KCTD15: variants seen among roughly 807,000 people sequenced by gnomAD.
KCTD15 encodes the protein potassium channel tetramerization domain containing 15.
KCTD15 carries 11 observed loss-of-function variants against 27.2 expected under a neutral mutation model. That is an observed-to-expected ratio of 0.41 (90% CI 0.25 to 0.67). KCTD15 has a LOEUF of 0.67. KCTD15 is among the 30% of genes least tolerant of loss of function. The pLI, the probability that KCTD15 is intolerant of heterozygous loss-of-function variation, is 0.35. For synonymous variants in KCTD15, 163 were observed against 176.0 expected (o/e 0.93, Z 0.58); for missense variants, 350 against 409.3 (o/e 0.86, Z 1.25).
In KCTD15 at chr19:33,812,973, C is replaced by G; in HGVS notation, c.*25C>G. ...GGCCCTGCTTCAGTGCCCACCTGGG[C>G]CCCCCCAGGGACCTGGAAACAGTGC... On this transcript the variant is annotated 3_prime_UTR_variant, in exon 7 of 7. Coordinates refer to ENST00000683859, the MANE Select transcript of KCTD15 (RefSeq NM_001129994.2). The G allele has an allele frequency of 6.6e-7, 1 of 1,518,452 alleles. No individual in the cohort carries two copies. Among genetic ancestry groups the G allele is most frequent in the Non-Finnish European group, 8.8e-7 (1 of 1,131,470 alleles). 94.1% of individuals were successfully genotyped at this position (1,518,452 alleles called of 1,614,324 possible). A position where few individuals can be genotyped will look rare whatever the true frequency, so the allele number is the denominator to read the frequency against.
Position 33,812,907 on chromosome 19 carries a change from A to G in KCTD15, c.811A>G (p.Thr271Ala). ...CCGGGAGGAGCGGCGGCCGCAGCCC[A>G]CCCCCACTGCTGTTCGAATCAAGCA... is the stretch of plus-strand genomic sequence containing the variant. ...LCREERRPQPTPTAVRIKQEP... is the reference protein window; with the variant it reads ...LCREERRPQPAPTAVRIKQEP... The change falls in exon 7 of 7, where the codon ACC (threonine) becomes GCC (alanine). Residue 271 changes from threonine (T) to alanine (A), a missense_variant. Around this residue, in one of 3 missense-constraint regions of KCTD15, gnomAD observed 219 missense variants for 234.9 expected, o/e 0.93. Coordinates refer to ENST00000683859, the MANE Select transcript of KCTD15 (RefSeq NM_001129994.2). 1 of 1,548,658 alleles carries G rather than the reference A, an allele frequency of 6.5e-7. No homozygotes were observed. The highest frequency in any genetic ancestry group is 8.7e-7 in the Non-Finnish European group (1 of 1,146,334).
intron 4 of KCTD15, 77 bp downstream of exon 4, chr19:33,801,419 GTCTCTCCCC>G: frequency 7.7e-7 from 1 of 1,298,276 alleles, no homozygotes; most frequent in Non-Finnish European, 1.0e-6. Context: ...AGGGGGTGGG[GTCTCTCCCC>G]ACTGTCACTC....
intron 6 of KCTD15, 191 bp downstream of exon 6, chr19:33,811,743 A>G (rs772856422): frequency 2.5e-6 from 4 of 1,580,212 alleles, no homozygotes; most frequent in South Asian, 2.3e-5. Context: ...CGCCTGGGGG[A>G]TGGACTTAAA....
intron 4 of KCTD15, among the ~76,000 whole-genome samples, chr19:33,802,565 C>T (rs1975592002): frequency 1.3e-5 from 2 of 152,106 alleles, no homozygotes; most frequent in Non-Finnish European, 2.9e-5. Flanking sequence ...ACTGGTGTTC[C>T]AGTACCCCAG....
At chr19:33,812,170 C>T in intron 6 of KCTD15, 1 of 1,164,602 alleles carries the variant, frequency 8.6e-7, no homozygotes, top group South Asian at 3.2e-5. Flanking sequence ...TCAGAACTTG[C>T]TAGTTGCAGG....
Position 33,798,089 on chromosome 19 carries a change from A to AG in KCTD15, c.-126-570dup, listed in dbSNP as rs1028526207. On this transcript the variant is annotated intron_variant, in intron 1 of 6. Coordinates refer to ENST00000683859, the MANE Select transcript of KCTD15 (RefSeq NM_001129994.2). ...CGGCTGGCTCCGCGGCGGAGGCGGG[A>AG]GGGGGGGGGTGGGGAGGCTGGCGCG... 6.0e-3 allele frequency among the ~76,000 whole-genome samples: 886 copies of AG among 146,750 alleles called. 5 individuals are homozygous for AG. The highest frequency in any genetic ancestry group is 0.016 in the African/African-American group (656 of 39,768).
intron 4 of KCTD15, among the ~76,000 whole-genome samples, chr19:33,802,579 G>T (rs1975592686): frequency 6.6e-6 from 1 of 152,166 alleles, no homozygotes; most frequent in Non-Finnish European, 1.5e-5. Context: ...ACCCCAGGTG[G>T]ACAGAGACTC....
chr19:33,812,908 C>A lies in KCTD15; in HGVS notation c.812C>A (p.Thr271Asn). ...LCREERRPQP[T>N]PTAVRIKQEP... ...CGGGAGGAGCGGCGGCCGCAGCCCA[C>A]CCCCACTGCTGTTCGAATCAAGCAG... Residue 271 changes from threonine to asparagine, a missense_variant, in exon 7 of 7, where the codon ACC (threonine) becomes AAC (asparagine). Thr to Asn is a moderately conservative substitution (Grantham distance 65). Transcript: ENST00000683859. 6.5e-7 allele frequency: 1 copy of A among 1,549,696 alleles called. No homozygotes were observed. Among genetic ancestry groups the A allele is most frequent in the Non-Finnish European group, 8.7e-7 (1 of 1,146,614 alleles).
chr19:33,801,142 T>C, intron 3 of KCTD15, 25 bp from the exon 4 acceptor site: 1 of 1,564,234 alleles, frequency 6.4e-7, no homozygotes, highest in Non-Finnish European at 8.7e-7. Flanking sequence ...GAAACTCTTG[T>C]GTTCCGCTTT....
At chr19:33,794,484 G>T (rs1975263360), upstream of KCTD15, among the ~76,000 whole-genome samples, 1 of 152,274 alleles carries the variant, frequency 6.6e-6, no homozygotes, top group South Asian at 2.1e-4. Context: ...AAACAAAGGC[G>T]TTACCGCAGC....
chr19:33,807,262 G>A (rs532443251), intron 5 of KCTD15, among the ~76,000 whole-genome samples: 7 of 152,362 alleles, frequency 4.6e-5, no homozygotes, highest in South Asian at 4.1e-4. Context: ...GGATGGGCGC[G>A]TGCCAGCGTT....
intron 5 of KCTD15, among the ~76,000 whole-genome samples, chr19:33,809,552 G>C (rs867020922): frequency 1.0e-3 from 155 of 152,154 alleles, no homozygotes; most frequent in African/African-American, 3.6e-3. Context: ...AGATGGGGTT[G>C]TCTGTCATGC....
Position 33,807,579 on chromosome 19 carries a change from A to G in KCTD15, c.387+572A>G, listed in dbSNP as rs374964478. ...TCTGCTAAAAATAGAAAAATTAGCCAGGCGTGGTGGCAGGCCTGTAATCCC... is the reference window on the plus strand; with the variant it reads ...TCTGCTAAAAATAGAAAAATTAGCCGGGCGTGGTGGCAGGCCTGTAATCCC... On this transcript the variant is annotated intron_variant, in intron 5 of 6. Transcript: ENST00000683859. Among the ~76,000 whole-genome samples, 9 of 152,164 alleles carry G rather than the reference A, an allele frequency of 5.9e-5. No homozygotes were observed. In the East Asian group the frequency reaches 1.7e-3, roughly 29 times the overall value.
intron 5 of KCTD15, among the ~76,000 whole-genome samples, chr19:33,810,809 C>CT (rs60821835): frequency 0.12 from 18,075 of 151,674 alleles, 1,258 homozygotes; most frequent in African/African-American, 0.18. Context: ...TGGAGAAGAA[C>CT]TTTTTTTGCT....
At chr19:33,808,579 T>G (rs1008742153) in intron 5 of KCTD15, among the ~76,000 whole-genome samples, 3 of 152,100 alleles carry the variant, frequency 2.0e-5, no homozygotes, top group African/African-American at 7.2e-5. Flanking sequence ...TGCTGTTTGA[T>G]GTCAGGACCT....
intron 2 of KCTD15, among the ~76,000 whole-genome samples, chr19:33,799,437 A>G (rs906521360): frequency 6.6e-6 from 1 of 152,168 alleles, no homozygotes; most frequent in African/African-American, 2.4e-5. Context: ...GGATGTGTGA[A>G]GGGGGGTGAC....
intron 5 of KCTD15, among the ~76,000 whole-genome samples, chr19:33,810,354 T>C (rs941226033): frequency 2.0e-5 from 3 of 152,174 alleles, no homozygotes; most frequent in Non-Finnish European, 4.4e-5. Context: ...CATCCTTTGA[T>C]CCTCACTTTC....
chr19:33,800,637 T>C, intron 3 of KCTD15, 117 bp downstream of exon 3: 1 of 888,672 alleles, frequency 1.1e-6, no homozygotes, highest in Non-Finnish European at 1.8e-6. Flanking sequence ...GGCTGTTGAC[T>C]GGCTGTAGGA....
rs1262918634 is a variant in KCTD15 at position 33,801,050 on chromosome 19, G to A, written c.67-117G>A. 6 of 960,386 alleles carry A rather than the reference G, an allele frequency of 6.2e-6. No homozygotes were observed. The Admixed American group carries it at 1.3e-4, about 21-fold the overall frequency. The allele number at this position is 960,386 out of a possible 1,614,324, so 59.5% of individuals were successfully genotyped here. On this transcript the variant is annotated intron_variant, in intron 3 of 6. Transcript: ENST00000683859. ...AATATATGATCAGGCACGGGCAGAA[G>A]TGATCTGATTAGATCTGTGATCACA...
Sources: gnomAD v4.1 joint callset for allele counts (sites outside exome capture counted in the v4.1 genomes callset) on GRCh38, gnomAD v4.1.1 for gene constraint, gnomAD v4.1.1 regional missense constraint, MANE v1.5 for transcripts, NCBI Gene and HGNC (gene_info 2026-07-23, HGNC 2026-07-21) for gene names.